Variants in GRIK4 observed in about 807,000 individuals in gnomAD.
The protein encoded by GRIK4 is glutamate ionotropic receptor kainate type subunit 4, also known as glutamate receptor ionotropic, kainate 4.
Under a neutral mutation model 104.9 loss-of-function variants are expected in GRIK4, and 40 were observed. The ratio of observed to expected loss-of-function variants is 0.38; its 90% CI spans 0.30 to 0.50. The LOEUF (loss-of-function observed/expected upper bound fraction) is 0.50, where lower values mean the gene tolerates loss of function less well. Ranked by LOEUF, GRIK4 falls within the 20% of genes least tolerant of loss-of-function variation. The pLI, the probability that GRIK4 is intolerant of heterozygous loss-of-function variation, is 0.93. For missense variants in GRIK4, 1,047 were observed against 1,308.1 expected (o/e 0.80, Z 3.08); for synonymous variants, 485 against 524.9 (o/e 0.92, Z 1.04).
At chr11:120,879,551 G>A (rs1954906899) in intron 11 of GRIK4, among the ~76,000 whole-genome samples, 1 of 152,232 alleles carries the variant, frequency 6.6e-6, no homozygotes, top group African/African-American at 2.4e-5. Flanking sequence ...ACTCAGGATT[G>A]TTTTCTACTA....
chr11:120,584,932 G>C (rs1315277054), intron 1 of GRIK4, among the ~76,000 whole-genome samples: 1 of 152,154 alleles, frequency 6.6e-6, no homozygotes, highest in East Asian at 1.9e-4. Context: ...TTAGCTTTTT[G>C]ATGTGCTGCT....
chr11:120,856,920 A>T (rs1306273774), intron 8 of GRIK4, among the ~76,000 whole-genome samples: 1 of 152,090 alleles, frequency 6.6e-6, no homozygotes, highest in African/African-American at 2.4e-5. Context: ...CCAGCTGAAC[A>T]TGTCCCCGGG....
intron 9 of GRIK4, chr11:120,869,743 A>G (rs1954545570): frequency 6.5e-6 from 1 of 152,936 alleles, no homozygotes; most frequent in Non-Finnish European, 1.5e-5. Flanking sequence ...TCACTGGAGG[A>G]AGAGGGGGCC....
intron 1 of GRIK4, among the ~76,000 whole-genome samples, chr11:120,646,609 T>C (rs993191171): frequency 2.0e-5 from 3 of 152,210 alleles, no homozygotes; most frequent in African/African-American, 7.2e-5. Context: ...TTTTATTAAT[T>C]AATCAATCAT....
At chr11:120,629,468 G>A (rs1001988414) in intron 1 of GRIK4, among the ~76,000 whole-genome samples, 10 of 152,066 alleles carry the variant, frequency 6.6e-5, no homozygotes, top group African/African-American at 1.9e-4. Context: ...ACGACTGCCC[G>A]ACTTCTGCCT....
intron 3 of GRIK4, among the ~76,000 whole-genome samples, chr11:120,787,881 T>TTTTTTTTTTTTTTTTTTTTC: frequency 1.2e-5 from 1 of 83,466 alleles, no homozygotes; most frequent in Non-Finnish European, 2.4e-5. Context: ...TTTTTTTTTT[T>TTTTTTTTTTTTTTTTTTTTC]GAGATGGAGT....
At chr11:120,690,563 T>C (rs963863159) in intron 3 of GRIK4, among the ~76,000 whole-genome samples, 4 of 152,216 alleles carry the variant, frequency 2.6e-5, no homozygotes, top group Non-Finnish European at 4.4e-5. Context: ...GCCAGGGCCC[T>C]ACCTGTCATG....
At chr11:120,868,557 C>G (rs1954498535) in intron 9 of GRIK4, 2 of 151,036 alleles carry the variant, frequency 1.3e-5, no homozygotes, top group Admixed American at 1.3e-4. Context: ...CCTCCTTCCC[C>G]TGATGAGCCC....
chr11:120,975,754 C>G (rs1163694285), intron 19 of GRIK4, among the ~76,000 whole-genome samples: 2 of 152,116 alleles, frequency 1.3e-5, no homozygotes, highest in Non-Finnish European at 2.9e-5. Context: ...GTAATCACCC[C>G]CCTGCAGCAT....
At chr11:120,523,865 C>T (rs1445767307) in intron 1 of GRIK4, among the ~76,000 whole-genome samples, 2 of 151,064 alleles carry the variant, frequency 1.3e-5, no homozygotes, top group African/African-American at 4.8e-5. Flanking sequence ...CATCAGAGAT[C>T]ATCATCTGTC....
At chr11:120,724,364 G>A (rs922606214) in intron 3 of GRIK4, among the ~76,000 whole-genome samples, 13 of 152,166 alleles carry the variant, frequency 8.5e-5, no homozygotes, top group African/African-American at 2.7e-4. Context: ...GGACTACAAT[G>A]TATCTATCCA....
intron 8 of GRIK4, among the ~76,000 whole-genome samples, chr11:120,855,438 T>C (rs1389679946): frequency 6.6e-6 from 1 of 152,170 alleles, no homozygotes; most frequent in Non-Finnish European, 1.5e-5. Context: ...GTCAGTAAAT[T>C]GTAGTAGTTA....
intron 13 of GRIK4, among the ~76,000 whole-genome samples, chr11:120,929,360 G>A (rs1427256098): frequency 6.6e-6 from 1 of 152,174 alleles, no homozygotes; most frequent in Non-Finnish European, 1.5e-5. Context: ...CCAGGAGTGG[G>A]AGTGAGCCTC....
intron 3 of GRIK4, among the ~76,000 whole-genome samples, chr11:120,776,551 C>T (rs1952046676): frequency 6.6e-6 from 1 of 152,242 alleles, no homozygotes; most frequent in African/African-American, 2.4e-5. Flanking sequence ...CAATGTATTG[C>T]TTTGTAACAA....
intron 3 of GRIK4, among the ~76,000 whole-genome samples, chr11:120,779,909 C>T (rs1018493127): frequency 6.6e-6 from 1 of 152,210 alleles, no homozygotes; most frequent in Non-Finnish European, 1.5e-5. Flanking sequence ...TGGATTTTAG[C>T]TTTAATTCCT....
chr11:120,957,176 G>A (rs1245715947), intron 16 of GRIK4, among the ~76,000 whole-genome samples: 2 of 152,244 alleles, frequency 1.3e-5, no homozygotes, highest in Non-Finnish European at 2.9e-5. Context: ...GGGTCTGGAT[G>A]CAGAGGGGAG....
rs1041202811 is a variant in GRIK4, at chr11:120,721,582, G to A, written c.82+61182G>A. 2.6e-5 allele frequency among the ~76,000 whole-genome samples: 4 copies of A among 152,260 alleles called. No individual in the cohort carries two copies. The East Asian group carries it at 7.7e-4, about 29-fold the overall frequency. On this transcript the variant is annotated intron_variant, in intron 3 of 20. Coordinates refer to ENST00000527524, the MANE Select transcript of GRIK4 (RefSeq NM_014619.5). Reference sequence around the variant, plus strand: ...GGAAGAACCAGGTGAAGCAAGGCAAGCAGATTTAGGGTGGGCTTGTTTGAA... The same window carrying A: ...GGAAGAACCAGGTGAAGCAAGGCAAACAGATTTAGGGTGGGCTTGTTTGAA...
At chr11:120,808,433 C>A (rs1426837807) in intron 4 of GRIK4, among the ~76,000 whole-genome samples, 1 of 152,202 alleles carries the variant, frequency 6.6e-6, no homozygotes, top group Non-Finnish European at 1.5e-5. Flanking sequence ...ATGTGCCTGG[C>A]ACTTGGAAAG....
At chr11:120,522,352 C>T (rs916808896) in intron 1 of GRIK4, among the ~76,000 whole-genome samples, 3 of 152,186 alleles carry the variant, frequency 2.0e-5, no homozygotes, top group Non-Finnish European at 2.9e-5. Flanking sequence ...GATGGAGTCT[C>T]GCTCGGTTGC....
Sources: allele counts gnomAD v4.1 joint callset (sites outside exome capture counted in the v4.1 genomes callset), GRCh38; gene constraint gnomAD v4.1.1; transcripts MANE v1.5; gene names NCBI Gene and HGNC (gene_info 2026-07-23, HGNC 2026-07-21).